Variants in NBEA observed in about 807,000 individuals in gnomAD.
NBEA encodes lysosomal-trafficking regulator 2.
Under a neutral mutation model 343.4 loss-of-function variants are expected in NBEA, and 44 were observed. The observed-to-expected ratio is 0.13, with a 90% CI of 0.10 to 0.16. NBEA has a LOEUF of 0.16. NBEA is among the 10% of genes least tolerant of loss of function. NBEA has a pLI of 1.00. For missense variants in NBEA, 2,555 were observed against 3,631.3 expected, an observed-to-expected ratio of 0.70 and a Z score of 7.62; for synonymous variants, 1,175 against 1,238.7, an observed-to-expected ratio of 0.95 and a Z score of 1.08.
intron 7 of NBEA, 83 bp from the exon 8 acceptor site, chr13:35,058,630 TATTC>T (rs2063352644): frequency 1.0e-6 from 1 of 979,076 alleles, no homozygotes; most frequent in South Asian, 1.5e-5. Flanking sequence ...TATTTTAAAA[TATTC>T]ATGATAATGA....
intron 38 of NBEA, among the ~76,000 whole-genome samples, chr13:35,425,971 C>A (rs1196276894): frequency 6.6e-6 from 1 of 152,064 alleles, no homozygotes; most frequent in Non-Finnish European, 1.5e-5. Flanking sequence ...GATTGCAACC[C>A]CTGGCTTTTT....
At chr13:35,299,975 C>T (rs1183595156) in intron 35 of NBEA, among the ~76,000 whole-genome samples, 1 of 152,156 alleles carries the variant, frequency 6.6e-6, no homozygotes, top group Admixed American at 6.6e-5. Context: ...TCCATGTCCA[C>T]CTCTATCCCA....
rs1468108782 is a variant in NBEA at position 35,553,456 on chromosome 13, G to A, written c.6807-1531G>A. ...TAGGCTTAAACCTGTCACTTAGCTG[G>A]GTAACAATAAGCAAGCCTCACACTT... On this transcript the variant is annotated intron_variant, in intron 43 of 58. Transcript: ENST00000379939. 2.0e-5 allele frequency among the ~76,000 whole-genome samples: 3 copies of A among 152,030 alleles called. No homozygotes were observed. The East Asian group carries it at 5.8e-4, about 29-fold the overall frequency.
intron 41 of NBEA, among the ~76,000 whole-genome samples, chr13:35,509,550 T>C (rs2077196598): frequency 6.6e-6 from 1 of 152,216 alleles, no homozygotes. Context: ...GAGAGGCCTC[T>C]AAGTTTTTGT....
rs1280802959 is a variant in NBEA at position 35,157,171 on chromosome 13, G to C, written c.2745G>C (p.Met915Ile). The change falls in exon 21 of 59, where the codon ATG becomes ATC. Residue 915 changes from methionine (M) to isoleucine (I), a missense_variant. By Grantham distance (10) the Met-to-Ile change is conservative. Around this residue, in one of 21 missense-constraint regions of NBEA, gnomAD observed 360 missense variants for 519.1 expected, o/e 0.69. Coordinates refer to ENST00000379939, the MANE Select transcript of NBEA (RefSeq NM_001385012.1). ...CTGAGGAACAGAAGATTACCGAAAT[G>C]GTCTACAATATCTTCCGGATTCTTT... ...KNSEEQKITE[M>I]VYNIFRILLY... is the part of the protein sequence containing the mutation. The C allele has an allele frequency of 6.2e-7, 1 of 1,609,900 alleles. No homozygotes were observed. The highest frequency in any genetic ancestry group is 8.5e-7 in the Non-Finnish European group (1 of 1,177,656).
Position 35,176,833 on chromosome 13 carries a change from G to C in NBEA, c.4555-163G>C, listed in dbSNP as rs147058781. On this transcript the variant is annotated intron_variant, in intron 27 of 58. Coordinates refer to ENST00000379939, the MANE Select transcript of NBEA (RefSeq NM_001385012.1). ...TAGTATGGAAACCATGACATGAGTA[G>C]AGAGCAGAAAATATGCATTGTAATA... is the stretch of plus-strand genomic sequence containing the variant. Among the ~76,000 whole-genome samples the C allele has an allele frequency of 4.0e-3, 608 of 152,052 alleles. 3 individuals are homozygous for C. Among genetic ancestry groups the C allele is most frequent in the African/African-American group, 0.014 (589 of 41,524 alleles).
chr13:34,981,284 A>G (rs375773511), intron 1 of NBEA, among the ~76,000 whole-genome samples: 3 of 152,170 alleles, frequency 2.0e-5, no homozygotes, highest in African/African-American at 7.2e-5. Context: ...TTGATTATCC[A>G]TTTACCAGTT....
intron 8 of NBEA, among the ~76,000 whole-genome samples, chr13:35,062,707 G>GA (rs949937652): frequency 3.3e-5 from 5 of 151,594 alleles, no homozygotes; most frequent in Non-Finnish European, 4.4e-5. Context: ...CTGAAAGGAA[G>GA]AAAAAAAATC....
At chr13:35,192,909 C>T (rs983094798) in intron 30 of NBEA, among the ~76,000 whole-genome samples, 8 of 151,768 alleles carry the variant, frequency 5.3e-5, no homozygotes, top group Non-Finnish European at 1.0e-4. Flanking sequence ...TCATATATAA[C>T]GATACTTAGA....
chr13:34,951,888 AG>A (rs1396079183), intron 1 of NBEA, among the ~76,000 whole-genome samples: 2 of 152,250 alleles, frequency 1.3e-5, no homozygotes, highest in African/African-American at 2.4e-5. Context: ...GGCAAGTTAA[AG>A]GATTAAAAAC....
chr13:34,971,402 G>C (rs1274706292), intron 1 of NBEA, among the ~76,000 whole-genome samples: 1 of 151,660 alleles, frequency 6.6e-6, no homozygotes, highest in Non-Finnish European at 1.5e-5. Context: ...GAATAGGAGG[G>C]GTGAAAGAGG....
chr13:34,980,072 T>C (rs1456534131), intron 1 of NBEA, among the ~76,000 whole-genome samples: 2 of 152,198 alleles, frequency 1.3e-5, no homozygotes, highest in African/African-American at 4.8e-5. Context: ...ATGTCAGTAC[T>C]GTGGTGTACT....
intron 8 of NBEA, among the ~76,000 whole-genome samples, chr13:35,064,302 A>G (rs2063569412): frequency 6.6e-6 from 1 of 152,006 alleles, no homozygotes; most frequent in Admixed American, 6.6e-5. Flanking sequence ...AAGGAGAATG[A>G]GGAGAACAAG....
chr13:35,110,886 T>G lies in NBEA; in HGVS notation c.1910T>G (p.Val637Gly). 2 of 1,612,142 alleles carry G rather than the reference T, an allele frequency of 1.2e-6. No individual in the cohort carries two copies. The highest frequency in any genetic ancestry group is 1.7e-6 in the Non-Finnish European group (2 of 1,178,482). Residue 637 changes from valine to glycine, a missense_variant, in exon 13 of 59, where the codon GTA (valine) becomes GGA (glycine). Transcript: ENST00000379939. ...ACCATCTACACCACCATACGCAGAG[T>G]AGGAACAGTATTACAGCTAATGCAC... ...TATIYTTIRR[V>G]GTVLQLMHTL... is the part of the protein sequence containing the mutation.
At chr13:35,459,347 C>T (rs1413889845) in intron 40 of NBEA, among the ~76,000 whole-genome samples, 1 of 152,050 alleles carries the variant, frequency 6.6e-6, no homozygotes, top group Non-Finnish European at 1.5e-5. Flanking sequence ...GAAGAGGGGG[C>T]ATTATGTAGA....
At chr13:35,400,618 A>G (rs970414462) in intron 38 of NBEA, among the ~76,000 whole-genome samples, 2 of 151,994 alleles carry the variant, frequency 1.3e-5, no homozygotes, top group African/African-American at 2.4e-5. Context: ...CAAGCCTGGG[A>G]GCTCTATAAA....
chr13:35,578,833 A>G (rs1566353750), intron 45 of NBEA, among the ~76,000 whole-genome samples: 1 of 152,100 alleles, frequency 6.6e-6, no homozygotes, highest in East Asian at 1.9e-4. Flanking sequence ...ATTTGCATAT[A>G]CACAATGAGA....
rs1299776068 is a variant in NBEA, at chr13:35,143,891, C to CAA, written c.2445+1524_2445+1525dup. ...TGACAAAGTGAGACCCTGTCCCCTT[C>CAA]AAAAAAAAAAACAAAAAAAAAAACA... On this transcript the variant is annotated intron_variant, in intron 18 of 58. Coordinates refer to ENST00000379939, the MANE Select transcript of NBEA (RefSeq NM_001385012.1). Among the ~76,000 whole-genome samples the CAA allele has an allele frequency of 1.6e-4, 14 of 87,116 alleles. No individual in the cohort carries two copies. In the East Asian group the frequency reaches 4.5e-3, roughly 28 times the overall value. 57.2% of individuals were successfully genotyped at this position (87,116 alleles called of 152,430 possible).
intron 39 of NBEA, among the ~76,000 whole-genome samples, chr13:35,436,104 A>G (rs1014571688): frequency 6.6e-6 from 1 of 152,178 alleles, no homozygotes; most frequent in Non-Finnish European, 1.5e-5. Flanking sequence ...AACAGATTTC[A>G]TATTTTTAAA....
Sources: allele counts gnomAD v4.1 joint callset (sites outside exome capture counted in the v4.1 genomes callset), GRCh38; gene constraint gnomAD v4.1.1; regional missense constraint gnomAD v4.1.1; transcripts MANE v1.5; gene names NCBI Gene and HGNC (gene_info 2026-07-23, HGNC 2026-07-21).